Variants in CELF2 observed in about 807,000 individuals in gnomAD.
CELF2 encodes the protein CUGBP Elav-like family member 2, also known as CUG triplet repeat RNA-binding protein 2.
A neutral mutation model predicts 62.6 loss-of-function variants in CELF2; 8 were observed. The ratio of observed to expected loss-of-function variants is 0.13; its 90% CI spans 0.07 to 0.23. CELF2 has a LOEUF of 0.23. CELF2 is among the 10% of genes least tolerant of loss of function. The pLI is 1.00. For synonymous variants in CELF2, 258 were observed against 250.0 expected (o/e 1.03, Z -0.30); for missense variants, 333 against 671.0 (o/e 0.50, Z 5.56).
intron 1 of CELF2, among the ~76,000 whole-genome samples, chr10:11,055,048 G>C (rs1266324726): frequency 1.3e-5 from 2 of 152,222 alleles, no homozygotes; most frequent in East Asian, 3.8e-4. Context: ...GTTTTGAGCT[G>C]TTGTAGATTT....
chr10:10,969,738 T>G lies in CELF2; in HGVS notation c.89+49739T>G, dbSNP rs535571733. 6.6e-5 allele frequency among the ~76,000 whole-genome samples: 10 copies of G among 152,312 alleles called. No individual in the cohort carries two copies. The East Asian group carries it at 1.9e-3, about 29-fold the overall frequency. On this transcript the variant is annotated intron_variant, in intron 2 of 13. Transcript: ENST00000636488. ...CCCTAAAAGAATAGATCTAAAGTCATGTGTGGTTACTTGAGCTCTATTTCC... is the reference window on the plus strand; with the variant it reads ...CCCTAAAAGAATAGATCTAAAGTCAGGTGTGGTTACTTGAGCTCTATTTCC...
At chr10:10,598,828 A>C in the CELF2 span, among the ~76,000 whole-genome samples, 1 of 125,200 alleles carries the variant, frequency 8.0e-6, no homozygotes, top group Admixed American at 1.1e-4. Flanking sequence ...ATCTCGGCTC[A>C]CTGCAACCTC....
rs541236764 is a variant in CELF2 at position 11,067,117 on chromosome 10, C to T, written c.74+48954C>T. 2.6e-5 allele frequency among the ~76,000 whole-genome samples: 4 copies of T among 152,254 alleles called. No homozygotes were observed. The East Asian group carries it at 7.7e-4, about 29-fold the overall frequency. On this transcript the variant is annotated intron_variant, in intron 1 of 12. Transcript: ENST00000633077. ...GCTTTTTTATGTCTTTTAGCGACATCATCTCATGATTTTGCTGTTGGATTT... is the reference window on the plus strand; with the variant it reads ...GCTTTTTTATGTCTTTTAGCGACATTATCTCATGATTTTGCTGTTGGATTT...
chr10:10,989,590 A>G (rs1230502462), intron 2 of CELF2, among the ~76,000 whole-genome samples: 1 of 152,168 alleles, frequency 6.6e-6, no homozygotes, highest in Non-Finnish European at 1.5e-5. Context: ...AAAATGAAAA[A>G]AACACAAAGG....
intron 1 of CELF2, among the ~76,000 whole-genome samples, chr10:10,893,316 A>T (rs1455452602): frequency 6.6e-6 from 1 of 152,204 alleles, no homozygotes; most frequent in Admixed American, 6.5e-5. Flanking sequence ...GAGCCCTAAG[A>T]TTATGGAAGT....
the CELF2 span, among the ~76,000 whole-genome samples, chr10:10,675,454 T>G: frequency 6.6e-6 from 1 of 152,172 alleles, no homozygotes; most frequent in South Asian, 2.1e-4. Flanking sequence ...AAGGCCTAGG[T>G]GTAGTTCTGG....
Position 11,178,008 on chromosome 10 carries a change from G to A in CELF2, c.271+12326G>A, listed in dbSNP as rs2071852629. Among the ~76,000 whole-genome samples the A allele has an allele frequency of 6.6e-6, 1 of 152,156 alleles. No homozygotes were observed. The highest frequency in any genetic ancestry group is 1.5e-5 in the Non-Finnish European group (1 of 68,030). ...CAGCGTGACTGCCTGGTAGGATAAA[G>A]GAGACGACATCTGAAAAGAGGGTTT... On this transcript the variant is annotated intron_variant, in intron 2 of 12. Transcript: ENST00000633077. This position sits in a 1 kb window ranked among gnomAD's most constrained non-coding sequence, Gnocchi z 4.3.
chr10:10,881,342 G>A (rs897161909), intron 1 of CELF2, among the ~76,000 whole-genome samples: 3 of 152,134 alleles, frequency 2.0e-5, no homozygotes, highest in Admixed American at 6.6e-5. Flanking sequence ...GCTGCGTACA[G>A]AATTCATGAG....
At chr10:11,325,798 A>C in intron 11 of CELF2, 38 bp from the exon 12 acceptor site, 11 of 1,574,720 alleles carry the variant, frequency 7.0e-6, no homozygotes, top group Non-Finnish European at 8.6e-6. Context: ...ACTAAGACTC[A>C]AGGGATACCT....
Position 11,223,867 on chromosome 10 carries a change from G to A in CELF2, c.354+6360G>A, listed in dbSNP as rs1027154898. Among the ~76,000 whole-genome samples the A allele has an allele frequency of 1.3e-4, 20 of 152,154 alleles. No individual in the cohort carries two copies. Among genetic ancestry groups the A allele is most frequent in the South Asian group, 4.1e-4 (2 of 4,826 alleles). On this transcript the variant is annotated intron_variant, in intron 3 of 12. Transcript: ENST00000633077. This position sits in a 1 kb window ranked among gnomAD's most constrained non-coding sequence, Gnocchi z 5.1. The stretch of plus-strand genomic sequence containing the variant: ...GCCCAGGCCCCAGGGCAATGGGAAA[G>A]TATATTTTAATGCTTAATAAAAGGC...
intron 1 of CELF2, among the ~76,000 whole-genome samples, chr10:11,084,594 A>G (rs1229493950): frequency 6.6e-6 from 1 of 152,178 alleles, no homozygotes; most frequent in Non-Finnish European, 1.5e-5. Context: ...ATAATCATGC[A>G]CTTAAATTCA....
the CELF2 span, among the ~76,000 whole-genome samples, chr10:10,726,890 G>T: frequency 2.6e-5 from 4 of 152,214 alleles, no homozygotes; most frequent in Non-Finnish European, 5.9e-5. Context: ...GGTTCTGCAG[G>T]CTGTACAGAA....
intron 1 of CELF2, among the ~76,000 whole-genome samples, chr10:10,815,153 T>A (rs2056330994): frequency 6.6e-6 from 1 of 152,180 alleles, no homozygotes; most frequent in South Asian, 2.1e-4. Context: ...TCCTGGTGGG[T>A]GTAAAACCCT....
At chr10:10,593,937 G>A in the CELF2 span, among the ~76,000 whole-genome samples, 1 of 152,172 alleles carries the variant, frequency 6.6e-6, no homozygotes, top group Non-Finnish European at 1.5e-5. Flanking sequence ...TACATATGGG[G>A]AGGCACATAA....
At chr10:10,690,692 C>G in the CELF2 span, among the ~76,000 whole-genome samples, 1 of 152,192 alleles carries the variant, frequency 6.6e-6, no homozygotes, top group East Asian at 1.9e-4. Flanking sequence ...ACAGTGTGGC[C>G]ATGATGGTGA....
At chr10:11,115,224 T>C (rs1049979894) in intron 1 of CELF2, among the ~76,000 whole-genome samples, 20 of 152,238 alleles carry the variant, frequency 1.3e-4, no homozygotes. Flanking sequence ...GTTTGATTGG[T>C]AACACTGATT....
the CELF2 span, among the ~76,000 whole-genome samples, chr10:10,668,099 C>T: frequency 1.3e-5 from 2 of 152,148 alleles, no homozygotes; most frequent in Non-Finnish European, 2.9e-5. Context: ...CGATGAGCAT[C>T]CCTGTAGTTA....
intron 1 of CELF2, among the ~76,000 whole-genome samples, chr10:10,813,418 G>A (rs1044137586): frequency 1.3e-5 from 2 of 152,202 alleles, no homozygotes; most frequent in African/African-American, 4.8e-5. Flanking sequence ...AATTGTTACA[G>A]AGCTGTGGAA....
the CELF2 span, among the ~76,000 whole-genome samples, chr10:10,763,867 G>A: frequency 6.6e-6 from 1 of 152,196 alleles, no homozygotes; most frequent in African/African-American, 2.4e-5. Context: ...GGAGAATTGT[G>A]CTATTGTATT....
Sources: allele counts gnomAD v4.1 joint callset (sites outside exome capture counted in the v4.1 genomes callset), GRCh38; gene constraint gnomAD v4.1.1; non-coding constraint Gnocchi (gnomAD v3.1); transcripts MANE v1.5; gene names NCBI Gene and HGNC (gene_info 2026-07-23, HGNC 2026-07-21).